The following SORCS3 variants were observed in gnomAD, a reference collection of about 807,000 sequenced individuals.
SORCS3 encodes sortilin related VPS10 domain containing receptor 3, also known as VPS10 domain-containing receptor SorCS3.
A neutral mutation model predicts 146.3 loss-of-function variants in SORCS3; 57 were observed. The observed-to-expected ratio is 0.39, with a 90% CI of 0.31 to 0.49. The LOEUF is 0.49. SORCS3 is among the 20% of genes least tolerant of loss of function. The pLI, the probability that SORCS3 is intolerant of heterozygous loss-of-function variation, is 0.92. For missense variants in SORCS3, 1,341 were observed against 1,575.5 expected (o/e 0.85, Z 2.52); for synonymous variants, 653 against 618.5 (o/e 1.06, Z -0.83).
At chr10:104,688,803 C>G (rs530260750) in intron 1 of SORCS3, among the ~76,000 whole-genome samples, 11 of 152,194 alleles carry the variant, frequency 7.2e-5, no homozygotes, top group Non-Finnish European at 1.5e-4. Context: ...ATTCCCTCCA[C>G]GTGCCAACTC....
intron 9 of SORCS3, among the ~76,000 whole-genome samples, chr10:105,148,572 G>A (rs892704849): frequency 1.9e-4 from 29 of 152,052 alleles, no homozygotes; most frequent in Non-Finnish European, 1.0e-4. Flanking sequence ...AGCAATGAAG[G>A]TGTGTCTCAT....
chr10:104,908,219 G>T (rs1260918747), intron 2 of SORCS3, among the ~76,000 whole-genome samples: 1 of 152,318 alleles, frequency 6.6e-6, no homozygotes, highest in East Asian at 1.9e-4. Context: ...AAGCATAGTT[G>T]TATCTTTTGA....
intron 1 of SORCS3, among the ~76,000 whole-genome samples, chr10:104,705,249 G>C (rs1226850943): frequency 9.9e-6 from 1 of 101,328 alleles, no homozygotes; most frequent in Non-Finnish European, 2.1e-5. Context: ...TTTTTTAATT[G>C]GTCTGCTGAT....
chr10:104,776,240 G>A (rs1401582209), intron 1 of SORCS3, among the ~76,000 whole-genome samples: 1 of 152,072 alleles, frequency 6.6e-6, no homozygotes, highest in East Asian at 1.9e-4. Context: ...TGGTGGTCTG[G>A]GGAGGTTTTC....
chr10:105,078,922 A>G (rs549982039), intron 5 of SORCS3, among the ~76,000 whole-genome samples: 1 of 151,798 alleles, frequency 6.6e-6, no homozygotes, highest in Admixed American at 6.6e-5. Context: ...GTGATCTGTG[A>G]AAAGGAGCAC....
intron 1 of SORCS3, among the ~76,000 whole-genome samples, chr10:104,809,779 T>C (rs1362542271): frequency 6.6e-6 from 1 of 152,206 alleles, no homozygotes; most frequent in Non-Finnish European, 1.5e-5. Context: ...TTGTGTGGGA[T>C]AGCTACTCTA....
chr10:105,063,104 T>G (rs569241537), intron 5 of SORCS3, among the ~76,000 whole-genome samples: 2 of 152,368 alleles, frequency 1.3e-5, no homozygotes, highest in East Asian at 3.9e-4. Context: ...TTACAGCCTG[T>G]GCTAGCTTTA....
chr10:104,697,862 T>C (rs755756067), intron 1 of SORCS3, among the ~76,000 whole-genome samples: 1 of 152,160 alleles, frequency 6.6e-6, no homozygotes, highest in Non-Finnish European at 1.5e-5. Context: ...CACAGACCCA[T>C]TAATGCATCT....
intron 1 of SORCS3, among the ~76,000 whole-genome samples, chr10:104,761,413 A>G (rs1257729486): frequency 6.6e-6 from 1 of 152,202 alleles, no homozygotes; most frequent in Non-Finnish European, 1.5e-5. Context: ...GAGAAGAGGC[A>G]AGAAAATAGA....
intron 7 of SORCS3, among the ~76,000 whole-genome samples, chr10:105,109,141 G>A (rs2055842380): frequency 6.6e-6 from 1 of 151,902 alleles, no homozygotes; most frequent in Non-Finnish European, 1.5e-5. Flanking sequence ...ATTTCCTGTT[G>A]GCAGCAATTA....
intron 3 of SORCS3, among the ~76,000 whole-genome samples, chr10:104,950,008 A>C (rs894140734): frequency 6.6e-6 from 1 of 152,226 alleles, no homozygotes; most frequent in African/African-American, 2.4e-5. Flanking sequence ...GTCTACCTGT[A>C]AGTTGTCAGG....
chr10:104,745,825 T>C (rs1317334604), intron 1 of SORCS3, among the ~76,000 whole-genome samples: 1 of 152,356 alleles, frequency 6.6e-6, no homozygotes, highest in East Asian at 1.9e-4. Context: ...AATGAGATCA[T>C]GTAGTATTTG....
chr10:104,997,089 A>G (rs1042340160), intron 4 of SORCS3, among the ~76,000 whole-genome samples: 1 of 152,220 alleles, frequency 6.6e-6, no homozygotes, highest in Non-Finnish European at 1.5e-5. Flanking sequence ...TAAGATTAGC[A>G]AGGGGAATAA....
chr10:105,163,665 G>A (rs1345861149), intron 11 of SORCS3, among the ~76,000 whole-genome samples: 1 of 152,124 alleles, frequency 6.6e-6, no homozygotes, highest in Non-Finnish European at 1.5e-5. Flanking sequence ...AGAGTGTGAA[G>A]GGATGGAAGC....
chr10:104,706,636 G>A (rs575099167), intron 1 of SORCS3, among the ~76,000 whole-genome samples: 4 of 152,296 alleles, frequency 2.6e-5, no homozygotes, highest in African/African-American at 7.2e-5. Flanking sequence ...TAAGGGGTGC[G>A]ATGTATGCAT....
At chr10:104,668,543 C>A (rs957299776) in intron 1 of SORCS3, among the ~76,000 whole-genome samples, 1 of 152,098 alleles carries the variant, frequency 6.6e-6, no homozygotes, top group Non-Finnish European at 1.5e-5. Flanking sequence ...ATATTTGTAC[C>A]TACTTCATAA....
At position 105,098,387 on chromosome 10, in the gene SORCS3, C is replaced by A. The variant is rs1234615370; in HGVS notation, c.1094-7010C>A. 2.0e-5 allele frequency among the ~76,000 whole-genome samples: 3 copies of A among 152,270 alleles called. No homozygotes were observed. The East Asian group carries it at 5.8e-4, about 29-fold the overall frequency. ...AGAAATTCCCACATTATATTACATT[C>A]CAAAAGGTATCAAATTGTATAACAA... is the stretch of plus-strand genomic sequence containing the variant. On this transcript the variant is annotated intron_variant, in intron 6 of 26. Coordinates refer to ENST00000369701, the MANE Select transcript of SORCS3 (RefSeq NM_014978.3).
chr10:105,016,155 A>ATATT lies in SORCS3; in HGVS notation c.955-26899_955-26898insATTT, dbSNP rs71482443. ...TATAAATATATATATATATATATAT[A>ATATT]TTTTTTTTTTTTTTTGAGATGGAGT... On this transcript the variant is annotated intron_variant, in intron 4 of 26. Transcript: ENST00000369701. 1.2e-3 allele frequency among the ~76,000 whole-genome samples: 121 copies of ATATT among 101,302 alleles called. 1 individual carries two copies. Among genetic ancestry groups the ATATT allele is most frequent in the South Asian group, 5.4e-3 (16 of 2,956 alleles). 66.5% of individuals were successfully genotyped at this position (101,302 alleles called of 152,430 possible). A position where few individuals can be genotyped will look rare whatever the true frequency, so the allele number is the denominator to read the frequency against.
At chr10:105,217,558 T>C (rs1218462852) in intron 19 of SORCS3, among the ~76,000 whole-genome samples, 1 of 152,212 alleles carries the variant, frequency 6.6e-6, no homozygotes, top group Admixed American at 6.5e-5. Flanking sequence ...AGAGAAGGAT[T>C]AAAGAAACAT....
Sources: allele counts gnomAD v4.1 joint callset (sites outside exome capture counted in the v4.1 genomes callset), GRCh38; gene constraint gnomAD v4.1.1; transcripts MANE v1.5; gene names NCBI Gene and HGNC (gene_info 2026-07-23, HGNC 2026-07-21).